The following ELP3 variants were observed in gnomAD, a reference collection of about 807,000 sequenced individuals.
The protein encoded by ELP3 is elongator acetyltransferase complex subunit 3.
A neutral mutation model predicts 74.9 loss-of-function variants in ELP3; 56 were observed. The ratio of observed to expected loss-of-function variants is 0.75; its 90% CI spans 0.60 to 0.93. The LOEUF (loss-of-function observed/expected upper bound fraction) is 0.93. Among genes scored for constraint, ELP3 ranks in the 40% least tolerant of loss-of-function variants. ELP3 has a pLI of 0.00. For missense variants in ELP3, 573 were observed against 686.5 expected (o/e 0.83, Z 1.85); for synonymous variants, 222 against 239.8 (o/e 0.93, Z 0.68).
chr8:28,125,898 T>C (rs1210833364), intron 7 of ELP3, among the ~76,000 whole-genome samples: 2 of 152,110 alleles, frequency 1.3e-5, no homozygotes, highest in African/African-American at 4.8e-5. Flanking sequence ...AGGTTAACTT[T>C]TTGCAAGAGG....
At chr8:28,170,337 G>C (rs1563286049) in intron 14 of ELP3, among the ~76,000 whole-genome samples, 1 of 152,116 alleles carries the variant, frequency 6.6e-6, no homozygotes, top group African/African-American at 2.4e-5. Context: ...GACCCTTTGG[G>C]CAGACCTAAA....
rs574273688 is a variant in ELP3 at position 28,167,384 on chromosome 8, A to T, written c.1567+5306A>T. ...AAAATAGCAGTTGTTTTGTTGAAGC[A>T]TTTAAACTACAAATGGCTGAGATTT... On this transcript the variant is annotated intron_variant, in intron 14 of 14. Coordinates refer to ENST00000256398, the MANE Select transcript of ELP3 (RefSeq NM_018091.6). Among the ~76,000 whole-genome samples, 5 of 152,366 alleles carry T rather than the reference A, an allele frequency of 3.3e-5. No individual in the cohort carries two copies. In the South Asian group the frequency reaches 1.0e-3, roughly 32 times the overall value.
In ELP3 at chr8:28,189,757, C is replaced by G; in HGVS notation, c.*32C>G. ...CACCAGTCCACTCTTCTGCAGTATC[C>G]TCCCTGGCAGAACACGGAGAATCAG... On this transcript the variant is annotated 3_prime_UTR_variant, in exon 15 of 15. Coordinates refer to ENST00000256398, the MANE Select transcript of ELP3 (RefSeq NM_018091.6). 1 of 1,594,376 alleles carries G rather than the reference C, an allele frequency of 6.3e-7. No homozygotes were observed. The highest frequency in any genetic ancestry group is 8.6e-7 in the Non-Finnish European group (1 of 1,162,238).
chr8:28,182,976 G>C (rs908192328), intron 14 of ELP3, among the ~76,000 whole-genome samples: 18 of 152,168 alleles, frequency 1.2e-4, no homozygotes, highest in African/African-American at 4.1e-4. Context: ...AGTAGCCAGA[G>C]GTCATCCTTG....
At position 28,155,635 on chromosome 8, in the gene ELP3, A is replaced by T. The variant is rs116969829; in HGVS notation, c.1101-307A>T. Among the ~76,000 whole-genome samples the T allele has an allele frequency of 2.3e-3, 349 of 152,348 alleles. 2 individuals carry two copies. The highest frequency in any genetic ancestry group is 4.2e-3 in the Non-Finnish European group (288 of 68,034). On this transcript the variant is annotated intron_variant, in intron 10 of 14. Coordinates refer to ENST00000256398, the MANE Select transcript of ELP3 (RefSeq NM_018091.6). ...GGTACAAATGTCTCTTTACTCAAAA[A>T]ATCTTTACAAATGGTTATTGGGCAT... is the stretch of plus-strand genomic sequence containing the variant.
chr8:28,090,304 TG>T, upstream of ELP3: 1 of 405,084 alleles, frequency 2.5e-6, no homozygotes, highest in East Asian at 8.3e-5. Context: ...TGTTGCTTCC[TG>T]GTCTGGTGGT....
rs114573350 is a variant in ELP3 at position 28,138,932 on chromosome 8, G to C, written c.1100+1041G>C. On this transcript the variant is annotated intron_variant, in intron 10 of 14. Transcript: ENST00000256398. Reference sequence around the variant, plus strand: ...AATAGAAAAATCAACTGTTGAAATTGCTTGTGTGGCCCTTCCCCTTGTTGT... The same window carrying C: ...AATAGAAAAATCAACTGTTGAAATTCCTTGTGTGGCCCTTCCCCTTGTTGT... Among the ~76,000 whole-genome samples the C allele has an allele frequency of 1.6e-3, 245 of 152,284 alleles. 2 individuals carry two copies. Among genetic ancestry groups the C allele is most frequent in the African/African-American group, 5.6e-3 (231 of 41,542 alleles).
chr8:28,159,121 C>T (rs1221220448), intron 12 of ELP3, among the ~76,000 whole-genome samples: 1 of 152,168 alleles, frequency 6.6e-6, no homozygotes, highest in Non-Finnish European at 1.5e-5. Flanking sequence ...TAGATCAGCC[C>T]TTACCCACAG....
chr8:28,188,035 GAGGAGA>G (rs1815308998), intron 14 of ELP3, among the ~76,000 whole-genome samples: 1 of 152,166 alleles, frequency 6.6e-6, no homozygotes, highest in Admixed American at 6.5e-5. Flanking sequence ...CAGCGAGCTA[GAGGAGA>G]ATCAGGAGAT....
At position 28,158,604 on chromosome 8, in the gene ELP3, G is replaced by T; in HGVS notation, c.1228G>T (p.Glu410Ter). 6.3e-7 allele frequency: 1 copy of T among 1,593,800 alleles called. No individual in the cohort carries two copies. Among genetic ancestry groups the T allele is most frequent in the South Asian group, 1.1e-5 (1 of 90,828 alleles). ...GAGAACCAGAGAAGTTGGAATCCAA[G>T]AAATTCATCACAAAGTACGGCCATA... is the stretch of plus-strand genomic sequence containing the variant. ...DVRTREVGIQ[E>*]IHHKVRPYQV... The change falls in exon 12 of 15, where the codon GAA (glutamate) becomes TAA (stop). Residue 410 changes from glutamate to a stop codon, truncating the protein, a stop_gained. Coordinates refer to ENST00000256398, the MANE Select transcript of ELP3 (RefSeq NM_018091.6). LOFTEE classifies it high-confidence loss of function.
intron 8 of ELP3, among the ~76,000 whole-genome samples, chr8:28,130,922 G>A (rs1208273831): frequency 6.6e-6 from 1 of 152,194 alleles, no homozygotes; most frequent in Non-Finnish European, 1.5e-5. Flanking sequence ...AGGGGCCTGA[G>A]GAGTCAGCCC....
chr8:28,165,329 G>A (rs967284378), intron 14 of ELP3, among the ~76,000 whole-genome samples: 3 of 152,032 alleles, frequency 2.0e-5, no homozygotes, highest in East Asian at 1.9e-4. Flanking sequence ...AATAGATCTC[G>A]GTCTCGTTGT....
In ELP3 at chr8:28,097,325, G is replaced by A. The variant is rs748985249; in HGVS notation, c.119+7G>A. 11 of 1,597,634 alleles carry A rather than the reference G, an allele frequency of 6.9e-6. No individual in the cohort carries two copies. The highest frequency in any genetic ancestry group is 5.0e-5 in the Admixed American group (3 of 59,584). ...AAGACATCGATCTAAATAAGTAAGT[G>A]GATATAAAGAGAGAGCAAGCTTGTT... On this transcript the variant is annotated splice_region_variant and intron_variant, in intron 2 of 14. Coordinates refer to ENST00000256398, the MANE Select transcript of ELP3 (RefSeq NM_018091.6).
intron 10 of ELP3, among the ~76,000 whole-genome samples, chr8:28,140,115 TG>T (rs1554500670): frequency 3.9e-4 from 3 of 7,790 alleles, no homozygotes; most frequent in Non-Finnish European, 6.9e-4. Flanking sequence ...GTACATATTT[TG>T]TGTGTGTGTG....
intron 3 of ELP3, among the ~76,000 whole-genome samples, chr8:28,103,177 C>A (rs531563962): frequency 6.8e-6 from 1 of 147,068 alleles, no homozygotes; most frequent in Non-Finnish European, 1.5e-5. Flanking sequence ...CTCAAAAAAA[C>A]AAACAAACAA....
chr8:28,130,557 T>C (rs1307291917), intron 8 of ELP3, among the ~76,000 whole-genome samples: 1 of 152,208 alleles, frequency 6.6e-6, no homozygotes, highest in Non-Finnish European at 1.5e-5. Flanking sequence ...ATGGATATCA[T>C]GTTTAATTAA....
intron 3 of ELP3, among the ~76,000 whole-genome samples, chr8:28,103,185 CA>C (rs1811560291): frequency 1.3e-5 from 2 of 152,020 alleles, no homozygotes; most frequent in Non-Finnish European, 2.9e-5. Context: ...AACAAACAAA[CA>C]AACAAACAAA....
At chr8:28,126,560 G>T (rs1483306135) in intron 7 of ELP3, among the ~76,000 whole-genome samples, 1 of 152,130 alleles carries the variant, frequency 6.6e-6, no homozygotes, top group Non-Finnish European at 1.5e-5. Context: ...CTTGTCTCTC[G>T]AGAAGTTGAC....
intron 1 of ELP3, among the ~76,000 whole-genome samples, chr8:28,096,975 A>G (rs1811276658): frequency 6.6e-6 from 1 of 152,200 alleles, no homozygotes; most frequent in Non-Finnish European, 1.5e-5. Flanking sequence ...ATTTATTTTT[A>G]ATAATCTCAT....
Sources: gnomAD v4.1 joint callset for allele counts (sites outside exome capture counted in the v4.1 genomes callset) on GRCh38, gnomAD v4.1.1 for gene constraint, MANE v1.5 for transcripts, NCBI Gene and HGNC (gene_info 2026-07-23, HGNC 2026-07-21) for gene names.